Variants in LRRC56 observed in about 807,000 individuals in gnomAD.
LRRC56 encodes the protein leucine rich repeat containing 56.
Under a neutral mutation model 47.8 loss-of-function variants are expected in LRRC56, and 41 were observed. That is an observed-to-expected ratio of 0.86 (90% CI 0.67 to 1.11). The LOEUF (loss-of-function observed/expected upper bound fraction) is 1.11. LRRC56 is among the 50% of genes most tolerant of loss of function. LRRC56 has a pLI of 0.00. For missense variants in LRRC56, 759 were observed against 704.2 expected (o/e 1.08, Z -0.88); for synonymous variants, 387 against 311.2 (o/e 1.24, Z -2.56).
At chr11:551,571 G>T in intron 9 of LRRC56, 80 bp from the exon 10 acceptor site, 2 of 1,464,444 alleles carry the variant, frequency 1.4e-6, no homozygotes, top group Non-Finnish European at 1.8e-6. Context: ...ATGGGGATTG[G>T]GGCCCCTGGT....
At chr11:532,595 G>A (rs375490077), upstream of LRRC56, 138 of 1,596,392 alleles carry the variant, frequency 8.6e-5, 1 homozygote, top group Middle Eastern at 7.0e-4. Flanking sequence ...GGGGTCATCC[G>A]GTGGGCGTGG....
At chr11:534,561 C>G, upstream of LRRC56, 1 of 589,090 alleles carries the variant, frequency 1.7e-6, no homozygotes, top group Admixed American at 3.0e-5. Context: ...GTCGCCTCGC[C>G]CCCACTTGCT....
At chr11:540,523 C>G (rs1489854719) in intron 3 of LRRC56, among the ~76,000 whole-genome samples, 151 bp from the exon 4 acceptor site, 1 of 145,416 alleles carries the variant, frequency 6.9e-6, no homozygotes, top group African/African-American at 2.6e-5. Flanking sequence ...CCCAGCCAAG[C>G]TAGGAGCCTT....
At chr11:508,596 A>G in the LRRC56 span, among the ~76,000 whole-genome samples, 2 of 151,950 alleles carry the variant, frequency 1.3e-5, no homozygotes, top group Non-Finnish European at 2.9e-5. Flanking sequence ...GTGAAACCCC[A>G]TCTCTACTAA....
chr11:519,346 A>G, the LRRC56 span, among the ~76,000 whole-genome samples: 2 of 61,512 alleles, frequency 3.3e-5, no homozygotes, highest in Non-Finnish European at 6.4e-5. Flanking sequence ...ACGCGGGCTG[A>G]TACACAGGTG....
the LRRC56 span, among the ~76,000 whole-genome samples, chr11:513,862 A>G: frequency 2.0e-5 from 3 of 150,650 alleles, 1 homozygote; most frequent in African/African-American, 7.3e-5. Context: ...CAGCCACCTC[A>G]GCCTTCAGCC....
upstream of LRRC56, chr11:533,897 C>T (rs1205035369): frequency 6.2e-7 from 1 of 1,613,220 alleles, no homozygotes; most frequent in Admixed American, 1.7e-5. Flanking sequence ...CCAGGATGTC[C>T]AACAGGCACG....
chr11:521,710 C>G, the LRRC56 span, among the ~76,000 whole-genome samples: 278 of 152,216 alleles, frequency 1.8e-3, no homozygotes, highest in African/African-American at 6.5e-3. Flanking sequence ...GTCAGGAGAT[C>G]GAGACCATCC....
chr11:550,816 A>C (rs1852344575), intron 8 of LRRC56, among the ~76,000 whole-genome samples: 1 of 152,146 alleles, frequency 6.6e-6, no homozygotes. Flanking sequence ...AGCGTCTACC[A>C]GTGCCCAGTA....
At chr11:552,353 G>T in intron 12 of LRRC56, 121 bp downstream of exon 12, 1 of 1,388,208 alleles carries the variant, frequency 7.2e-7, no homozygotes, top group South Asian at 1.4e-5. Context: ...TGCATGTCCT[G>T]TCCCGTGGGG....
intron 6 of LRRC56, among the ~76,000 whole-genome samples, chr11:549,596 G>C (rs994597351): frequency 1.3e-4 from 20 of 152,236 alleles, no homozygotes; most frequent in Non-Finnish European, 2.6e-4. Flanking sequence ...ATTAGAAAGA[G>C]AAAGGTGATG....
At chr11:551,102 C>A in intron 8 of LRRC56, 29 bp from the exon 9 acceptor site, 1 of 1,283,334 alleles carries the variant, frequency 7.8e-7, no homozygotes, top group Non-Finnish European at 1.1e-6. Context: ...CCAGACCTGC[C>A]CTCCCTCCCC....
At chr11:544,418 C>A (rs1851969539) in intron 5 of LRRC56, among the ~76,000 whole-genome samples, 1 of 152,224 alleles carries the variant, frequency 6.6e-6, no homozygotes, top group African/African-American at 2.4e-5. Context: ...TGCTGTGCTG[C>A]ATTCAGGCTG....
upstream of LRRC56, chr11:532,743 C>T (rs1171537215): frequency 6.2e-7 from 1 of 1,612,784 alleles, no homozygotes; most frequent in Non-Finnish European, 8.5e-7. Flanking sequence ...GTGTAGAAGG[C>T]ATCCTCCACT....
chr11:533,803 T>C (rs765074166), upstream of LRRC56: 2 of 1,613,412 alleles, frequency 1.2e-6, no homozygotes, highest in South Asian at 2.2e-5. Context: ...TTGGTGTTGT[T>C]GATGGCAAAC....
upstream of LRRC56, chr11:537,376 C>T (rs1228300627): frequency 6.6e-6 from 1 of 152,256 alleles, no homozygotes; most frequent in South Asian, 2.1e-4. Flanking sequence ...CCACGTGGCC[C>T]CGCCCTAGCG....
upstream of LRRC56, among the ~76,000 whole-genome samples, chr11:534,805 C>T (rs1296669441): frequency 2.0e-5 from 3 of 152,164 alleles, no homozygotes; most frequent in Non-Finnish European, 4.4e-5. Flanking sequence ...GCTGGTGCCT[C>T]CGACAAGTAT....
At chr11:516,661 G>A in the LRRC56 span, among the ~76,000 whole-genome samples, 3 of 151,926 alleles carry the variant, frequency 2.0e-5, no homozygotes, top group Non-Finnish European at 2.9e-5. Context: ...AAAGACGGCC[G>A]GACGTGGTGG....
At chr11:530,406 T>C in the LRRC56 span, among the ~76,000 whole-genome samples, 1 of 151,786 alleles carries the variant, frequency 6.6e-6, no homozygotes, top group Non-Finnish European at 1.5e-5. Context: ...CGGAGGCTGC[T>C]GGGGAGAAGG....
Sources: gnomAD v4.1 joint callset for allele counts (sites outside exome capture counted in the v4.1 genomes callset) on GRCh38, gnomAD v4.1.1 for gene constraint, MANE v1.5 for transcripts, NCBI Gene and HGNC (gene_info 2026-07-23, HGNC 2026-07-21) for gene names.